TAOK3: variants seen among roughly 807,000 people sequenced by gnomAD.
The protein encoded by TAOK3 is TAO kinase 3.
Under a neutral mutation model 120.4 loss-of-function variants are expected in TAOK3, and 40 were observed. The observed-to-expected ratio is 0.33, with a 90% CI of 0.26 to 0.43. TAOK3 has a LOEUF of 0.43. Among genes scored for constraint, TAOK3 ranks in the 20% least tolerant of loss-of-function variants. The pLI is 1.00. For synonymous variants in TAOK3, 355 were observed against 387.5 expected, an observed-to-expected ratio of 0.92 and a Z score of 0.99; for missense variants, 821 against 1,112.1, an observed-to-expected ratio of 0.74 and a Z score of 3.72.
rs547524528 is a variant in TAOK3 at position 118,162,644 on chromosome 12, TCA to T, written c.1900-619_1900-618del. ...GGCCAATTGTCTATTTTTTAAAATC[TCA>T]GAGTTCAAGGCATGTTGGGGAAAAA... On this transcript the variant is annotated intron_variant, in intron 17 of 20. Transcript: ENST00000392533. 7.4e-4 allele frequency among the ~76,000 whole-genome samples: 113 copies of T among 152,264 alleles called. 1 individual carries two copies. The highest frequency in any genetic ancestry group is 2.5e-3 in the African/African-American group (105 of 41,544).
intron 9 of TAOK3, among the ~76,000 whole-genome samples, chr12:118,231,129 G>A (rs576019007): frequency 1.3e-4 from 20 of 152,076 alleles, no homozygotes; most frequent in African/African-American, 4.8e-4. Flanking sequence ...GTGTGAAAAC[G>A]AATATAGGAA....
At chr12:118,346,998 T>C (rs2044886119) in intron 1 of TAOK3, among the ~76,000 whole-genome samples, 1 of 152,218 alleles carries the variant, frequency 6.6e-6, no homozygotes, top group African/African-American at 2.4e-5. Context: ...TGTCCAACAA[T>C]AGGCCTTTTT....
intron 1 of TAOK3, among the ~76,000 whole-genome samples, chr12:118,304,657 C>T (rs565702492): frequency 6.6e-6 from 1 of 152,176 alleles, no homozygotes; most frequent in Non-Finnish European, 1.5e-5. Context: ...AAGGCTTTTG[C>T]TTTTTGAATG....
chr12:118,217,816 CATATAT>C (rs57197721), intron 9 of TAOK3, among the ~76,000 whole-genome samples: 1,492 of 45,822 alleles, frequency 0.033, 27 homozygotes, highest in African/African-American at 0.057. Context: ...TGTGTGTATA[CATATAT>C]ATATATATAT....
At chr12:118,196,886 A>G (rs1195881932) in intron 13 of TAOK3, among the ~76,000 whole-genome samples, 1 of 152,230 alleles carries the variant, frequency 6.6e-6, no homozygotes, top group East Asian at 1.9e-4. Flanking sequence ...TTATTTGTCC[A>G]AAGTAAAATA....
intron 1 of TAOK3, among the ~76,000 whole-genome samples, chr12:118,287,782 A>T (rs777231119): frequency 2.0e-5 from 3 of 152,172 alleles, no homozygotes; most frequent in Non-Finnish European, 4.4e-5. Context: ...AGTTCAATAT[A>T]TAAGTAAAAT....
At chr12:118,359,943 T>C (rs762805305) in intron 1 of TAOK3, among the ~76,000 whole-genome samples, 3 of 152,196 alleles carry the variant, frequency 2.0e-5, no homozygotes, top group African/African-American at 4.8e-5. Flanking sequence ...TTCAATACTT[T>C]CATTATTTTT....
intron 1 of TAOK3, among the ~76,000 whole-genome samples, chr12:118,328,060 T>C (rs1188297483): frequency 6.6e-6 from 1 of 151,452 alleles, no homozygotes; most frequent in African/African-American, 2.4e-5. Context: ...ACAGGTACTT[T>C]TTTTTTTTTT....
At chr12:118,222,307 G>A (rs543598004) in intron 9 of TAOK3, among the ~76,000 whole-genome samples, 18 of 152,246 alleles carry the variant, frequency 1.2e-4, no homozygotes, top group African/African-American at 4.1e-4. Flanking sequence ...GGCCAAGGTC[G>A]GAGGATCACG....
At chr12:118,211,635 G>C (rs780328170) in intron 11 of TAOK3, among the ~76,000 whole-genome samples, 1 of 138,058 alleles carries the variant, frequency 7.2e-6, no homozygotes, top group Non-Finnish European at 1.5e-5. Flanking sequence ...TTTTTAAAGA[G>C]ATGGTATTTT....
At chr12:118,151,523 C>T (rs893024253) in intron 20 of TAOK3, among the ~76,000 whole-genome samples, 1 of 152,178 alleles carries the variant, frequency 6.6e-6, no homozygotes, top group Admixed American at 6.5e-5. Flanking sequence ...AAAAGACACT[C>T]AAGCACAATT....
chr12:118,356,920 T>G (rs1267342661), intron 1 of TAOK3, among the ~76,000 whole-genome samples: 2 of 152,170 alleles, frequency 1.3e-5, no homozygotes, highest in East Asian at 3.9e-4. Context: ...AGACTCTGTC[T>G]CTAAATAAAC....
rs2034509868 is a variant in TAOK3 at position 118,152,371 on chromosome 12, G to A, written c.2391C>T (p.Ala797=). The stretch of plus-strand genomic sequence containing the variant: ...TTTCCTGCTGGAGCTGTAGCCTCAA[G>A]GCCTGGCATTCTGCTTCTTGAGCCT... ...LDEAQEAECQ[A]LRLQLQQEME... The change falls in exon 20 of 21, where the codon GCC becomes GCT. Residue 797 remains alanine (A), a synonymous_variant. Coordinates refer to ENST00000392533, the MANE Select transcript of TAOK3 (RefSeq NM_016281.4). 9 of 1,613,704 alleles carry A rather than the reference G, an allele frequency of 5.6e-6. No individual in the cohort carries two copies.
chr12:118,358,927 G>A (rs2045500008), intron 1 of TAOK3: 2 of 152,030 alleles, frequency 1.3e-5, no homozygotes, highest in South Asian at 2.1e-4. Context: ...ACTCACAGTA[G>A]ATCTCAAACG....
intron 1 of TAOK3, among the ~76,000 whole-genome samples, chr12:118,320,820 A>G (rs1467450463): frequency 6.6e-6 from 1 of 152,164 alleles, no homozygotes; most frequent in Non-Finnish European, 1.5e-5. Flanking sequence ...AATGAATCAC[A>G]CTGCTATTTA....
At chr12:118,367,816 T>C (rs941710757) in intron 1 of TAOK3, among the ~76,000 whole-genome samples, 5 of 151,902 alleles carry the variant, frequency 3.3e-5, no homozygotes, top group Admixed American at 2.6e-4. Context: ...AAATGAAAAC[T>C]AGGGAAAAAA....
At chr12:118,262,645 G>A (rs1284234405) in intron 2 of TAOK3, among the ~76,000 whole-genome samples, 5 of 151,788 alleles carry the variant, frequency 3.3e-5, no homozygotes, top group Non-Finnish European at 7.4e-5. Context: ...TGGCCAACAT[G>A]GTGAAACCCT....
chr12:118,215,062 G>A (rs1222038094), intron 9 of TAOK3, among the ~76,000 whole-genome samples: 1 of 150,932 alleles, frequency 6.6e-6, no homozygotes, highest in Non-Finnish European at 1.5e-5. Flanking sequence ...TGTATTTTTA[G>A]TAGAGAGGGG....
At chr12:118,182,623 A>ATATATATATATATATATAT (rs371125415) in intron 14 of TAOK3, among the ~76,000 whole-genome samples, 119 of 92,370 alleles carry the variant, frequency 1.3e-3, no homozygotes, top group Non-Finnish European at 2.0e-3. Flanking sequence ...ATATATATAT[A>ATATATATATATATATATAT]TTTTTTTTTT....
Sources: allele counts gnomAD v4.1 joint callset (sites outside exome capture counted in the v4.1 genomes callset), GRCh38; gene constraint gnomAD v4.1.1; transcripts MANE v1.5; gene names NCBI Gene and HGNC (gene_info 2026-07-23, HGNC 2026-07-21).